Variants in PKIB observed in about 807,000 individuals in gnomAD.
PKIB encodes PKI-beta.
Under a neutral mutation model 4.5 loss-of-function variants are expected in PKIB, and 2 were observed. That is an observed-to-expected ratio of 0.44 (90% CI 0.18 to 1.39). The LOEUF (loss-of-function observed/expected upper bound fraction) is 1.39, where lower values mean the gene tolerates loss of function less well. Among genes scored for constraint, PKIB ranks in the 40% most tolerant of loss-of-function variants. The pLI is 0.27. For missense variants in PKIB, 94 were observed against 92.6 expected (o/e 1.02, Z -0.06); for synonymous variants, 38 against 36.0 (o/e 1.06, Z -0.20).
Position 122,725,201 on chromosome 6 carries a change from C to G in PKIB, c.*6C>G. The G allele has an allele frequency of 6.2e-7, 1 of 1,605,284 alleles. No homozygotes were observed. The highest frequency in any genetic ancestry group is 8.5e-7 in the Non-Finnish European group (1 of 1,174,702). On this transcript the variant is annotated 3_prime_UTR_variant, in exon 5 of 5. Transcript: ENST00000368452. ...CTCAAAATGAAGAAAAATGAAGGCT[C>G]ATAATCTATCAAGAGTGCTGAATTT...
At chr6:122,543,139 G>C (rs973892330) in intron 2 of PKIB, among the ~76,000 whole-genome samples, 5 of 152,042 alleles carry the variant, frequency 3.3e-5, no homozygotes, top group Non-Finnish European at 5.9e-5. Context: ...GACTAGGAAA[G>C]GGAACTCCCT....
intron 3 of PKIB, among the ~76,000 whole-genome samples, chr6:122,703,112 G>A (rs1351090901): frequency 6.6e-6 from 1 of 152,100 alleles, no homozygotes; most frequent in Non-Finnish European, 1.5e-5. Flanking sequence ...TCTATTCTGT[G>A]AAATGCCCTT....
chr6:122,615,679 A>G (rs893725017), intron 1 of PKIB, among the ~76,000 whole-genome samples: 4 of 152,198 alleles, frequency 2.6e-5, no homozygotes, highest in East Asian at 1.9e-4. Flanking sequence ...TCTTAACCCA[A>G]TATGACTGGT....
At chr6:122,685,360 A>G (rs1357815254) in intron 3 of PKIB, among the ~76,000 whole-genome samples, 1 of 152,204 alleles carries the variant, frequency 6.6e-6, no homozygotes, top group East Asian at 1.9e-4. Context: ...GAAGAATCTT[A>G]GGTTCAAATG....
At chr6:122,576,700 A>ATAT (rs1368575038) in intron 2 of PKIB, among the ~76,000 whole-genome samples, 1 of 115,658 alleles carries the variant, frequency 8.6e-6, no homozygotes, top group Non-Finnish European at 1.8e-5. Context: ...ATATATATAT[A>ATAT]TATATATATA....
rs1236132744 is a variant in PKIB at position 122,565,132 on chromosome 6, T to C, written c.-247-20789T>C. 2.0e-5 allele frequency among the ~76,000 whole-genome samples: 3 copies of C among 152,174 alleles called. No individual in the cohort carries two copies. In the East Asian group the frequency reaches 5.8e-4, roughly 29 times the overall value. ...GAAGTGATAACTAATTCTCCTCATA[T>C]CTCTAGGTAGCAGGACAGGGAATTT... On this transcript the variant is annotated intron_variant, in intron 2 of 6. Transcript: ENST00000392491.
intron 2 of PKIB, among the ~76,000 whole-genome samples, chr6:122,639,738 A>T (rs779144685): frequency 6.6e-6 from 1 of 152,194 alleles, no homozygotes; most frequent in Non-Finnish European, 1.5e-5. Flanking sequence ...ATTTGAATGG[A>T]TGGAATTAGA....
intron 2 of PKIB, among the ~76,000 whole-genome samples, chr6:122,564,598 G>A (rs949372438): frequency 5.3e-5 from 8 of 151,968 alleles, no homozygotes; most frequent in Admixed American, 2.6e-4. Flanking sequence ...TGAGAAAAGC[G>A]GGAAATTAAT....
At chr6:122,489,431 A>C (rs1043041649) in intron 2 of PKIB, among the ~76,000 whole-genome samples, 3 of 152,096 alleles carry the variant, frequency 2.0e-5, no homozygotes, top group Admixed American at 2.0e-4. Context: ...TATTTTTAAT[A>C]GAAATGGGGT....
chr6:122,545,747 T>A lies in PKIB; in HGVS notation c.-247-40174T>A, dbSNP rs550456882. On this transcript the variant is annotated intron_variant, in intron 2 of 6. Coordinates refer to the PKIB transcript ENST00000392491. ...CACCAAACCCCTGCAACATGCAATTTACCCATGTAACAAACCTGCACCTGT... is the reference window on the plus strand; with the variant it reads ...CACCAAACCCCTGCAACATGCAATTAACCCATGTAACAAACCTGCACCTGT... Among the ~76,000 whole-genome samples, 410 of 151,194 alleles carry A rather than the reference T, an allele frequency of 2.7e-3. 2 individuals carry two copies. The highest frequency in any genetic ancestry group is 9.6e-3 in the African/African-American group (395 of 41,138).
chr6:122,592,931 C>A (rs1395871236), intron 3 of PKIB, among the ~76,000 whole-genome samples: 2 of 152,112 alleles, frequency 1.3e-5, no homozygotes, highest in East Asian at 3.9e-4. Flanking sequence ...TTTGGGGTCT[C>A]AGGTAACAAT....
chr6:122,528,190 G>A (rs1270909578), intron 2 of PKIB, among the ~76,000 whole-genome samples: 1 of 152,054 alleles, frequency 6.6e-6, no homozygotes, highest in Non-Finnish European at 1.5e-5. Context: ...CCAATATTAG[G>A]CACTAGTATA....
chr6:122,602,277 T>A (rs1422737885), intron 3 of PKIB, among the ~76,000 whole-genome samples: 9 of 152,160 alleles, frequency 5.9e-5, no homozygotes. Context: ...CAGTGTGGAC[T>A]TAAAACCACT....
At chr6:122,472,186 C>G (rs1044110358) in intron 1 of PKIB, 1 of 166,080 alleles carries the variant, frequency 6.0e-6, no homozygotes, top group South Asian at 1.4e-4. Flanking sequence ...CTTTCTCAGT[C>G]TTTGTCCGTC....
chr6:122,628,196 TC>T (rs1465516245), intron 1 of PKIB, among the ~76,000 whole-genome samples: 1 of 152,028 alleles, frequency 6.6e-6, no homozygotes, highest in African/African-American at 2.4e-5. Context: ...CGCCACCAAG[TC>T]CGGCTAATTT....
At chr6:122,609,819 G>C (rs1476713784), upstream of PKIB, among the ~76,000 whole-genome samples, 2 of 152,100 alleles carry the variant, frequency 1.3e-5, no homozygotes, top group Non-Finnish European at 2.9e-5. Context: ...ATTATTTTCT[G>C]CTTTTATTGC....
chr6:122,492,734 G>A (rs1775972080), intron 2 of PKIB, among the ~76,000 whole-genome samples: 1 of 149,778 alleles, frequency 6.7e-6, no homozygotes, highest in Admixed American at 6.6e-5. Context: ...GTTTGCCCCA[G>A]TATAGCTTTA....
chr6:122,583,019 A>T (rs1582713622), intron 2 of PKIB, among the ~76,000 whole-genome samples: 1 of 152,052 alleles, frequency 6.6e-6, no homozygotes, highest in South Asian at 2.1e-4. Flanking sequence ...AATATAAGAT[A>T]TAGAATAGTC....
At chr6:122,525,159 T>G (rs897094982) in intron 2 of PKIB, among the ~76,000 whole-genome samples, 4 of 152,120 alleles carry the variant, frequency 2.6e-5, no homozygotes, top group African/African-American at 9.7e-5. Flanking sequence ...TTTATTTTCC[T>G]CTGTTACAAG....
Sources: allele counts gnomAD v4.1 joint callset (sites outside exome capture counted in the v4.1 genomes callset), GRCh38; gene constraint gnomAD v4.1.1; transcripts MANE v1.5; gene names NCBI Gene and HGNC (gene_info 2026-07-23, HGNC 2026-07-21).